Variants in CDYL observed in about 807,000 individuals in gnomAD.
CDYL encodes the protein chromodomain Y like, also known as chromodomain Y-like protein.
Under a neutral mutation model 47.3 loss-of-function variants are expected in CDYL, and 8 were observed. The ratio of observed to expected loss-of-function variants is 0.17; its 90% CI spans 0.10 to 0.31. The LOEUF is 0.31. CDYL is among the 10% of genes least tolerant of loss of function. The pLI is 1.00. For missense variants in CDYL, 471 were observed against 701.4 expected, an observed-to-expected ratio of 0.67 and a Z score of 3.71; for synonymous variants, 266 against 265.0, an observed-to-expected ratio of 1.00 and a Z score of -0.04.
At chr6:4,817,463 T>TA (rs1455826280) in intron 1 of CDYL, among the ~76,000 whole-genome samples, 2 of 152,178 alleles carry the variant, frequency 1.3e-5, no homozygotes, top group African/African-American at 4.8e-5. Flanking sequence ...AACATTCCCT[T>TA]ACGAGCCACC....
intron 1 of CDYL, among the ~76,000 whole-genome samples, chr6:4,782,160 C>A (rs1217133775): frequency 6.6e-6 from 1 of 152,050 alleles, no homozygotes; most frequent in Non-Finnish European, 1.5e-5. Context: ...TGGTTGTTAA[C>A]TGAGTAATTC....
chr6:4,732,670 A>C (rs1757626124), intron 2 of CDYL, among the ~76,000 whole-genome samples: 1 of 151,136 alleles, frequency 6.6e-6, no homozygotes, highest in Non-Finnish European at 1.5e-5. Flanking sequence ...TTTTTAAAAA[A>C]AAAGAGGGGG....
At chr6:4,840,012 A>G (rs571670034) in intron 1 of CDYL, among the ~76,000 whole-genome samples, 4 of 152,228 alleles carry the variant, frequency 2.6e-5, no homozygotes, top group African/African-American at 7.2e-5. Flanking sequence ...TTTTGACAGT[A>G]TGGCCATTTT....
At chr6:4,851,887 G>T (rs558895253) in intron 1 of CDYL, among the ~76,000 whole-genome samples, 4 of 152,150 alleles carry the variant, frequency 2.6e-5, no homozygotes. Context: ...TCAAATAAGT[G>T]GGGGTGATAA....
chr6:4,773,085 A>T, upstream of CDYL: 4 of 457,200 alleles, frequency 8.7e-6, no homozygotes, highest in South Asian at 6.2e-5. The surrounding 1 kb of genome is among the most constrained non-coding windows in gnomAD (Gnocchi z 4.6). Context: ...GAAGAGTCTT[A>T]TCGTCGGTAG....
intron 3 of CDYL, among the ~76,000 whole-genome samples, chr6:4,742,208 AT>A (rs199916568): frequency 9.2e-5 from 14 of 151,638 alleles, no homozygotes; most frequent in Non-Finnish European, 1.6e-4. Flanking sequence ...AAAAAATAAA[AT>A]TTTTTTTAAT....
intron 2 of CDYL, among the ~76,000 whole-genome samples, chr6:4,898,684 G>T (rs371031889): frequency 5.9e-5 from 9 of 152,136 alleles, no homozygotes; most frequent in Admixed American, 5.2e-4. Flanking sequence ...GCAAACCTGC[G>T]TGTGCTTAAG....
At chr6:4,803,006 T>G (rs1462188016) in intron 1 of CDYL, among the ~76,000 whole-genome samples, 1 of 152,178 alleles carries the variant, frequency 6.6e-6, no homozygotes, top group Non-Finnish European at 1.5e-5. Flanking sequence ...CACCCCACAC[T>G]ATCCCTTTCC....
At chr6:4,826,506 G>C (rs989114225) in intron 1 of CDYL, among the ~76,000 whole-genome samples, 16 of 151,856 alleles carry the variant, frequency 1.1e-4, no homozygotes, top group Non-Finnish European at 5.9e-5. Flanking sequence ...ACTTTCCTCT[G>C]ACCACTGCCT....
intron 3 of CDYL, among the ~76,000 whole-genome samples, 196 bp from the exon 4 acceptor site, chr6:4,937,369 G>A (rs1253236743): frequency 6.6e-6 from 1 of 152,138 alleles, no homozygotes; most frequent in Non-Finnish European, 1.5e-5. Flanking sequence ...GATAGCACAA[G>A]CCTGTAGTCC....
intron 2 of CDYL, among the ~76,000 whole-genome samples, chr6:4,724,174 G>A (rs781523030): frequency 5.9e-5 from 9 of 151,964 alleles, no homozygotes; most frequent in Non-Finnish European, 1.2e-4. Context: ...CGAAGTAGCT[G>A]GGACCACAGG....
chr6:4,897,165 C>T (rs1200222054), intron 2 of CDYL, among the ~76,000 whole-genome samples: 1 of 152,186 alleles, frequency 6.6e-6, no homozygotes, highest in Non-Finnish European at 1.5e-5. Flanking sequence ...ATTATCGTAA[C>T]TTTGTCCTTT....
chr6:4,708,145 TACACAC>T (rs66538207), intron 1 of CDYL, among the ~76,000 whole-genome samples: 1,878 of 149,564 alleles, frequency 0.013, 49 homozygotes, highest in African/African-American at 0.043. Context: ...TTGTGTTGTG[TACACAC>T]ACACACACAC....
Position 4,739,500 on chromosome 6 carries a change from A to G in CDYL, c.186+4656A>G, listed in dbSNP as rs187651576. On this transcript the variant is annotated intron_variant, in intron 3 of 8. Coordinates refer to the CDYL transcript ENST00000328908. ...CGCCATTTGCACTCCAGCCTGGGTG[A>G]CAAGAGTAAAACTCTGACTCAAAAA... Among the ~76,000 whole-genome samples the G allele has an allele frequency of 5.5e-3, 822 of 150,654 alleles. 10 individuals carry two copies. The highest frequency in any genetic ancestry group is 0.019 in the African/African-American group (790 of 41,020).
chr6:4,724,550 T>A (rs1467961647), intron 2 of CDYL: 2 of 152,314 alleles, frequency 1.3e-5, no homozygotes, highest in Non-Finnish European at 2.9e-5. Flanking sequence ...TCACAGTTCT[T>A]AAAGGCAGCG....
chr6:4,857,510 C>A (rs771608269), intron 1 of CDYL, among the ~76,000 whole-genome samples: 5 of 152,126 alleles, frequency 3.3e-5, no homozygotes, highest in Admixed American at 2.0e-4. Context: ...GGTAACTCAC[C>A]CTTTAGCAAA....
intron 5 of CDYL, among the ~76,000 whole-genome samples, 164 bp from the exon 6 acceptor site, chr6:4,952,102 A>C (rs1280811841): frequency 6.6e-6 from 1 of 152,162 alleles, no homozygotes; most frequent in Non-Finnish European, 1.5e-5. Context: ...AATGGACTGC[A>C]CCTTGCACAG....
intron 1 of CDYL, among the ~76,000 whole-genome samples, chr6:4,819,546 C>A (rs1165715226): frequency 6.6e-6 from 1 of 152,114 alleles, no homozygotes; most frequent in African/African-American, 2.4e-5. Context: ...TTAAAGGTAT[C>A]ATCATGACAA....
intron 1 of CDYL, among the ~76,000 whole-genome samples, chr6:4,806,937 G>A (rs917784551): frequency 3.3e-5 from 5 of 152,198 alleles, no homozygotes; most frequent in African/African-American, 9.7e-5. Context: ...GCATTCCAAG[G>A]TCAAGGTGCG....
Sources: gnomAD v4.1 joint callset for allele counts (sites outside exome capture counted in the v4.1 genomes callset) on GRCh38, gnomAD v4.1.1 for gene constraint, Gnocchi (gnomAD v3.1) non-coding constraint, MANE v1.5 for transcripts, NCBI Gene and HGNC (gene_info 2026-07-23, HGNC 2026-07-21) for gene names.